Variants in FOCAD observed in about 807,000 individuals in gnomAD.
FOCAD encodes the protein KIAA1797.
In FOCAD, 198 loss-of-function variants were observed where a neutral mutation model predicts 225.6. The ratio of observed to expected loss-of-function variants is 0.88; its 90% CI spans 0.78 to 0.99. The LOEUF is 0.99. Among genes scored for constraint, FOCAD ranks in the 50% least tolerant of loss-of-function variants. The probability of loss-of-function intolerance (pLI) is 0.00; values close to 1 mark genes in which losing one functional copy is unlikely to be tolerated. For missense variants in FOCAD, 2,713 were observed against 2,123.6 expected (o/e 1.28, Z -5.46); for synonymous variants, 897 against 755.0 (o/e 1.19, Z -3.08).
chr9:20,704,054 T>C (rs1824187051), intron 1 of FOCAD, among the ~76,000 whole-genome samples: 1 of 152,212 alleles, frequency 6.6e-6, no homozygotes, highest in Non-Finnish European at 1.5e-5. Flanking sequence ...CTTAATCAGA[T>C]TAAGGTGTTA....
chr9:20,715,519 A>G, intron 2 of FOCAD, 109 bp downstream of exon 2: 1 of 449,704 alleles, frequency 2.2e-6, no homozygotes, highest in Non-Finnish European at 3.5e-6. Context: ...ACATGTAGAG[A>G]TTTATATTTT....
intron 15 of FOCAD, among the ~76,000 whole-genome samples, chr9:20,853,382 A>G (rs1827859817): frequency 6.6e-6 from 1 of 151,804 alleles, no homozygotes; most frequent in Non-Finnish European, 1.5e-5. Flanking sequence ...CTCTGTTTTT[A>G]CTTGTGTCAC....
At chr9:20,720,178 G>C (rs567368602) in intron 3 of FOCAD, among the ~76,000 whole-genome samples, 5 of 152,282 alleles carry the variant, frequency 3.3e-5, no homozygotes, top group Non-Finnish European at 7.4e-5. Context: ...GTGAGAGAGA[G>C]TTGCTGTATC....
chr9:20,897,963 C>T (rs1191771906), intron 21 of FOCAD, among the ~76,000 whole-genome samples: 1 of 151,742 alleles, frequency 6.6e-6, no homozygotes, highest in African/African-American at 2.4e-5. Context: ...CTTGTCTGAG[C>T]AAGGCTTTAT....
chr9:20,832,624 A>G (rs755007670), intron 15 of FOCAD, among the ~76,000 whole-genome samples: 6 of 151,852 alleles, frequency 4.0e-5, no homozygotes, highest in Admixed American at 6.6e-5. Context: ...ATTGTGCTAT[A>G]AAATTCTTAA....
chr9:20,802,689 TTTAGG>T (rs371421234), intron 11 of FOCAD, among the ~76,000 whole-genome samples: 14 of 152,156 alleles, frequency 9.2e-5, no homozygotes, highest in African/African-American at 3.1e-4. Flanking sequence ...AGGGACAGGG[TTTAGG>T]TTAGGTTAGA....
At chr9:20,679,509 T>G (rs1822336115), upstream of FOCAD, among the ~76,000 whole-genome samples, 1 of 152,128 alleles carries the variant, frequency 6.6e-6, no homozygotes, top group South Asian at 2.1e-4. Context: ...TACAGTGTCT[T>G]TTTTTTGTTA....
chr9:20,729,891 G>A (rs1433877520), intron 4 of FOCAD, among the ~76,000 whole-genome samples: 2 of 151,976 alleles, frequency 1.3e-5, no homozygotes, highest in Non-Finnish European at 2.9e-5. Flanking sequence ...TTGTTTAATT[G>A]TGGTGGTGGG....
intron 21 of FOCAD, among the ~76,000 whole-genome samples, chr9:20,899,792 T>G (rs1448161346): frequency 6.6e-6 from 1 of 151,684 alleles, no homozygotes; most frequent in East Asian, 1.9e-4. Context: ...AAACTTTGGA[T>G]TTTTTTTGTC....
chr9:20,827,532 A>G (rs562201469), intron 15 of FOCAD, among the ~76,000 whole-genome samples: 128 of 151,792 alleles, frequency 8.4e-4, no homozygotes, highest in Non-Finnish European at 1.6e-3. Flanking sequence ...GTATGTATGT[A>G]TACACACCAT....
intron 4 of FOCAD, among the ~76,000 whole-genome samples, chr9:20,721,822 G>T (rs1033653758): frequency 6.6e-6 from 1 of 150,872 alleles, no homozygotes; most frequent in Admixed American, 6.6e-5. Flanking sequence ...TCATTTCTTT[G>T]TGTCTTTTTG....
At chr9:20,695,963 A>G (rs1252128385) in intron 1 of FOCAD, among the ~76,000 whole-genome samples, 2 of 152,258 alleles carry the variant, frequency 1.3e-5, no homozygotes, top group Non-Finnish European at 2.9e-5. Flanking sequence ...GCATCCTTTT[A>G]TCATATAGCT....
intron 11 of FOCAD, among the ~76,000 whole-genome samples, chr9:20,792,769 A>AT (rs1291570172): frequency 1.3e-5 from 2 of 152,158 alleles, no homozygotes; most frequent in Non-Finnish European, 2.9e-5. Flanking sequence ...CATTTGATCC[A>AT]TTTGAAATCA....
chr9:20,682,980 C>A (rs1822448295), upstream of FOCAD, among the ~76,000 whole-genome samples: 1 of 152,078 alleles, frequency 6.6e-6, no homozygotes, highest in South Asian at 2.1e-4. Context: ...GGGGTTTCAC[C>A]ACGTTGCCTA....
At chr9:20,968,270 C>T (rs1381755838) in intron 35 of FOCAD, among the ~76,000 whole-genome samples, 1 of 151,794 alleles carries the variant, frequency 6.6e-6, no homozygotes, top group African/African-American at 2.4e-5. Context: ...TCTTGTAATC[C>T]TTTTTATTTC....
At chr9:20,770,541 T>C (rs551591614) in intron 8 of FOCAD, among the ~76,000 whole-genome samples, 1 of 152,302 alleles carries the variant, frequency 6.6e-6, no homozygotes, top group East Asian at 1.9e-4. Flanking sequence ...ACCAGGAGGA[T>C]TGTGCTAAAC....
chr9:20,961,086 A>G (rs1838671779), intron 35 of FOCAD, among the ~76,000 whole-genome samples: 1 of 151,670 alleles, frequency 6.6e-6, no homozygotes, highest in South Asian at 2.1e-4. Context: ...AATTTTTGCA[A>G]TCTACCCATC....
At chr9:20,932,890 C>CTT (rs112589234) in intron 27 of FOCAD, 124 bp from the exon 28 acceptor site, 2,457 of 614,912 alleles carry the variant, frequency 4.0e-3, no homozygotes, top group South Asian at 7.9e-3. Context: ...AATATTGTCA[C>CTT]TTTTTTTTTT....
At chr9:20,666,487 T>C (rs914861070) in intron 2 of FOCAD, among the ~76,000 whole-genome samples, 9 of 152,066 alleles carry the variant, frequency 5.9e-5, no homozygotes, top group Non-Finnish European at 1.3e-4. Context: ...GGAGGATCAA[T>C]TGAGCCCAGG....
Sources: allele counts gnomAD v4.1 joint callset (sites outside exome capture counted in the v4.1 genomes callset), GRCh38; gene constraint gnomAD v4.1.1; transcripts MANE v1.5; gene names NCBI Gene and HGNC (gene_info 2026-07-23, HGNC 2026-07-21).